Variants in EPAS1 observed in about 807,000 individuals in gnomAD.
EPAS1 encodes the protein endothelial PAS domain-containing protein 1.
Under a neutral mutation model 87.9 loss-of-function variants are expected in EPAS1, and 23 were observed. The observed-to-expected ratio is 0.26, with a 90% CI of 0.19 to 0.37. EPAS1 has a LOEUF of 0.37. EPAS1 is among the 10% of genes least tolerant of loss of function. EPAS1 has a pLI of 1.00. For synonymous variants in EPAS1, 508 were observed against 444.3 expected, an observed-to-expected ratio of 1.14 and a Z score of -1.80; for missense variants, 1,138 against 1,120.7, an observed-to-expected ratio of 1.02 and a Z score of -0.22.
At chr2:46,378,178 G>C (rs910022398) in intron 10 of EPAS1, 91 bp downstream of exon 10, 1 of 1,522,232 alleles carries the variant, frequency 6.6e-7, no homozygotes, top group Admixed American at 2.0e-5. Flanking sequence ...GACAGGTACT[G>C]TCCTTCTCAG....
intron 11 of EPAS1, chr2:46,379,993 G>T: frequency 1.6e-6 from 1 of 643,326 alleles, no homozygotes; most frequent in Non-Finnish European, 2.8e-6. Flanking sequence ...TTCTCAATGT[G>T]CAGGGTGAAG....
At chr2:46,383,865 C>T (rs1043699548) in intron 15 of EPAS1, among the ~76,000 whole-genome samples, 8 of 152,236 alleles carry the variant, frequency 5.3e-5, no homozygotes, top group African/African-American at 1.9e-4. Flanking sequence ...AGGCAATGGC[C>T]ACTGGAACGA....
chr2:46,297,862 A>G lies in EPAS1; in HGVS notation c.-50A>G, dbSNP rs755862647. On this transcript the variant is annotated 5_prime_UTR_variant, in exon 1 of 16. Coordinates refer to ENST00000263734, the MANE Select transcript of EPAS1 (RefSeq NM_001430.5). ...CGAGGGCCACAGCCCCCCACCCGCC[A>G]GGGAGCCCAGGTGCTCGGCGTCTGA... 1.3e-6 allele frequency: 2 copies of G among 1,597,562 alleles called. No homozygotes were observed. The highest frequency in any genetic ancestry group is 2.2e-5 in the South Asian group (2 of 89,134).
At chr2:46,366,011 T>G (rs1479205920) in intron 6 of EPAS1, among the ~76,000 whole-genome samples, 3 of 152,224 alleles carry the variant, frequency 2.0e-5, no homozygotes, top group African/African-American at 7.2e-5. Context: ...ACCATCTTGC[T>G]TACATGATTA....
At chr2:46,369,067 G>A (rs1684566799) in intron 6 of EPAS1, among the ~76,000 whole-genome samples, 1 of 152,160 alleles carries the variant, frequency 6.6e-6, no homozygotes, top group African/African-American at 2.4e-5. Flanking sequence ...ACACTGAAAT[G>A]ACAGCCAGTG....
At chr2:46,383,039 T>G (rs1273052703) in intron 15 of EPAS1, among the ~76,000 whole-genome samples, 1 of 152,108 alleles carries the variant, frequency 6.6e-6, no homozygotes, top group Non-Finnish European at 1.5e-5. Flanking sequence ...TGGGAAGCGG[T>G]CTGGGCAGAG....
At chr2:46,326,739 CT>C (rs1340259349) in intron 1 of EPAS1, among the ~76,000 whole-genome samples, 1 of 152,102 alleles carries the variant, frequency 6.6e-6, no homozygotes, top group African/African-American at 2.4e-5. Flanking sequence ...GAAATATAGT[CT>C]AGTGGGGGCC....
chr2:46,373,666 G>C (rs1034246526), intron 7 of EPAS1, among the ~76,000 whole-genome samples: 20 of 152,174 alleles, frequency 1.3e-4, no homozygotes, highest in Non-Finnish European at 1.5e-5. Flanking sequence ...TAAAAAATGG[G>C]GTGGTGGGGG....
rs115102054 is a variant in EPAS1, at chr2:46,377,874, C to T, written c.1250-20C>T. 1,689 of 1,551,824 alleles carry T rather than the reference C, an allele frequency of 1.1e-3. 13 individuals are homozygous for T. The African/African-American group carries it at 0.019, about 18-fold the overall frequency. On this transcript the variant is annotated intron_variant, in intron 9 of 15. Coordinates refer to ENST00000263734, the MANE Select transcript of EPAS1 (RefSeq NM_001430.5). ...CCCGATGGTTGTGGGTGTTCACCTC[C>T]CAGGCCCTTGTCTCCACAGGGAATC...
intron 4 of EPAS1, among the ~76,000 whole-genome samples, chr2:46,357,596 C>T (rs1286506969): frequency 6.6e-6 from 1 of 152,162 alleles, no homozygotes; most frequent in Non-Finnish European, 1.5e-5. Context: ...ATGTTACAGG[C>T]CAGCCCTGGC....
chr2:46,305,500 TA>T (rs1291933800), intron 1 of EPAS1, among the ~76,000 whole-genome samples: 1 of 152,142 alleles, frequency 6.6e-6, no homozygotes, highest in Non-Finnish European at 1.5e-5. Flanking sequence ...GTTTTAAAGT[TA>T]TAAGTAATTT....
At chr2:46,366,139 G>C (rs1372088620) in intron 6 of EPAS1, among the ~76,000 whole-genome samples, 11 of 152,246 alleles carry the variant, frequency 7.2e-5, no homozygotes, top group African/African-American at 2.7e-4. Flanking sequence ...CACCGCACGT[G>C]GACGGGTGCT....
At chr2:46,314,430 C>A (rs535949759) in intron 1 of EPAS1, among the ~76,000 whole-genome samples, 3 of 152,224 alleles carry the variant, frequency 2.0e-5, no homozygotes, top group Non-Finnish European at 4.4e-5. Flanking sequence ...AGCCCCATTT[C>A]TACCCAGCCC....
Position 46,360,560 on chromosome 2 carries a change from A to G in EPAS1, c.455-78A>G. 1 of 1,279,866 alleles carries G rather than the reference A, an allele frequency of 7.8e-7. No individual in the cohort carries two copies. Among genetic ancestry groups the G allele is most frequent in the Non-Finnish European group, 1.1e-6 (1 of 875,792 alleles). 79.3% of individuals were successfully genotyped at this position (1,279,866 alleles called of 1,614,324 possible). On this transcript the variant is annotated intron_variant, in intron 4 of 15. Transcript: ENST00000263734. This position sits in a 1 kb window ranked among gnomAD's most constrained non-coding sequence, Gnocchi z 4.5. Reference sequence around the variant, plus strand: ...AATATAAACAATAGGCTGCCAAGAAAAACTGCAGCTGGGCCCCTCTCATGA... The same window carrying G: ...AATATAAACAATAGGCTGCCAAGAAGAACTGCAGCTGGGCCCCTCTCATGA...
chr2:46,310,032 C>T (rs926455220), intron 1 of EPAS1, among the ~76,000 whole-genome samples: 1 of 152,200 alleles, frequency 6.6e-6, no homozygotes, highest in Non-Finnish European at 1.5e-5. Flanking sequence ...GTAAATCAGG[C>T]ATGTGTGAAT....
At chr2:46,374,372 G>A (rs116818755) in intron 7 of EPAS1, among the ~76,000 whole-genome samples, 3,698 of 152,212 alleles carry the variant, frequency 0.024, 82 homozygotes, top group Admixed American at 0.043. Context: ...GGCATAATAT[G>A]TATTAGTATC....
intron 1 of EPAS1, among the ~76,000 whole-genome samples, chr2:46,337,295 C>CT (rs1366813227): frequency 6.6e-6 from 1 of 152,242 alleles, no homozygotes; most frequent in African/African-American, 2.4e-5. Context: ...TGAAATGGGA[C>CT]TTGGAGGAGA....
chr2:46,334,082 G>T (rs937417976), intron 1 of EPAS1, among the ~76,000 whole-genome samples: 5 of 152,174 alleles, frequency 3.3e-5, no homozygotes, highest in African/African-American at 9.7e-5. Context: ...CATATTTAGA[G>T]CTTCCAACAG....
chr2:46,384,348 A>T, intron 15 of EPAS1, 161 bp from the exon 16 acceptor site: 1 of 1,008,216 alleles, frequency 9.9e-7, no homozygotes, highest in Non-Finnish European at 1.5e-6. Flanking sequence ...CTGGAGGCAG[A>T]CACGTTCCCC....
Sources: gnomAD v4.1 joint callset for allele counts (sites outside exome capture counted in the v4.1 genomes callset) on GRCh38, gnomAD v4.1.1 for gene constraint, Gnocchi (gnomAD v3.1) non-coding constraint, MANE v1.5 for transcripts, NCBI Gene and HGNC (gene_info 2026-07-23, HGNC 2026-07-21) for gene names.